MAP2K5: variants seen among roughly 807,000 people sequenced by gnomAD.
The protein encoded by MAP2K5 is dual specificity mitogen-activated protein kinase kinase 5.
MAP2K5 carries 49 observed loss-of-function variants against 83.1 expected under a neutral mutation model. The observed-to-expected ratio is 0.59, with a 90% CI of 0.47 to 0.75. The LOEUF (loss-of-function observed/expected upper bound fraction) is 0.75. Ranked by LOEUF, MAP2K5 falls within the 30% of genes least tolerant of loss-of-function variation. The pLI is 0.00. For synonymous variants in MAP2K5, 202 were observed against 191.8 expected (o/e 1.05, Z -0.44); for missense variants, 457 against 557.5 (o/e 0.82, Z 1.82).
At chr15:67,589,808 T>C (rs1234808034) in intron 6 of MAP2K5, among the ~76,000 whole-genome samples, 1 of 151,814 alleles carries the variant, frequency 6.6e-6, no homozygotes, top group African/African-American at 2.4e-5. Flanking sequence ...TGTGTGTGTG[T>C]GTGTGTGTAT....
intron 21 of MAP2K5, among the ~76,000 whole-genome samples, chr15:67,805,207 C>G (rs1336184240): frequency 6.6e-6 from 1 of 152,248 alleles, no homozygotes; most frequent in African/African-American, 2.4e-5. Flanking sequence ...CTGTGTGCCT[C>G]TGAGATAGAC....
intron 17 of MAP2K5, among the ~76,000 whole-genome samples, chr15:67,728,257 T>C (rs763514277): frequency 4.6e-5 from 7 of 152,224 alleles, no homozygotes; most frequent in Non-Finnish European, 1.0e-4. Flanking sequence ...CAGCTTTTTC[T>C]TGATACACTT....
At position 67,790,110 on chromosome 15, in the gene MAP2K5, T is replaced by G. The variant is rs1478162980; in HGVS notation, c.1243-16536T>G. Among the ~76,000 whole-genome samples the G allele has an allele frequency of 6.6e-6, 1 of 151,342 alleles. No individual in the cohort carries two copies. The highest frequency in any genetic ancestry group is 1.5e-5 in the Non-Finnish European group (1 of 67,858). On this transcript the variant is annotated intron_variant, in intron 21 of 21. Coordinates refer to ENST00000178640, the MANE Select transcript of MAP2K5 (RefSeq NM_145160.3). This position sits in a 1 kb window ranked among gnomAD's most constrained non-coding sequence, Gnocchi z 4.6. ...TTGGTTGTGTATCTTTCTTCCACTCTTAAAAAAGCAGGCTTGGAAATTGCA... is the reference window on the plus strand; with the variant it reads ...TTGGTTGTGTATCTTTCTTCCACTCGTAAAAAAGCAGGCTTGGAAATTGCA...
At chr15:67,594,154 G>A in intron 7 of MAP2K5, among the ~76,000 whole-genome samples, 1 of 152,150 alleles carries the variant, frequency 6.6e-6, no homozygotes, top group East Asian at 1.9e-4. Context: ...CAGCTAAGGA[G>A]AATCTAGTGT....
At chr15:67,689,754 G>A (rs1006717211) in intron 13 of MAP2K5, among the ~76,000 whole-genome samples, 2 of 152,174 alleles carry the variant, frequency 1.3e-5, no homozygotes, top group African/African-American at 4.8e-5. Context: ...TCTTTCCATT[G>A]ATCCACTTAA....
chr15:67,547,148 C>T lies in MAP2K5; in HGVS notation c.136-2886C>T, dbSNP rs188395648. On this transcript the variant is annotated intron_variant, in intron 1 of 21. Coordinates refer to ENST00000178640, the MANE Select transcript of MAP2K5 (RefSeq NM_145160.3). ...CTGAGTCTGTGATTTTTTCCTTTCTCCTGAGTTACCAAATACTATTGGCTG... is the reference window on the plus strand; with the variant it reads ...CTGAGTCTGTGATTTTTTCCTTTCTTCTGAGTTACCAAATACTATTGGCTG... Among the ~76,000 whole-genome samples, 11 of 150,816 alleles carry T rather than the reference C, an allele frequency of 7.3e-5. No homozygotes were observed. In the East Asian group the frequency reaches 2.1e-3, roughly 29 times the overall value.
intron 13 of MAP2K5, among the ~76,000 whole-genome samples, chr15:67,688,805 G>A (rs2088024266): frequency 6.6e-6 from 1 of 152,174 alleles, no homozygotes; most frequent in South Asian, 2.1e-4. Context: ...TGCCAAATTT[G>A]TGACAGGATC....
rs190167111 is a variant in MAP2K5 at position 67,724,595 on chromosome 15, A to G, written c.1045-3321A>G. ...GAGAACTCGTTCTTCATGCAGCCAT[A>G]TCTACTAAGAAACCATTTTCTTTTT... is the stretch of plus-strand genomic sequence containing the variant. On this transcript the variant is annotated intron_variant, in intron 16 of 21. Transcript: ENST00000178640. The surrounding 1 kb of genome is among the most constrained non-coding windows in gnomAD (Gnocchi z 4.4). Among the ~76,000 whole-genome samples the G allele has an allele frequency of 3.2e-4, 48 of 152,282 alleles. No individual in the cohort carries two copies. The East Asian group carries it at 8.7e-3, about 28-fold the overall frequency.
chr15:67,729,604 A>G (rs1443801245), intron 17 of MAP2K5, among the ~76,000 whole-genome samples: 4 of 151,826 alleles, frequency 2.6e-5, no homozygotes, highest in African/African-American at 9.7e-5. Context: ...CCCCGTCTCT[A>G]CTAAAAATAC....
At chr15:67,759,817 C>T (rs2089915148) in intron 19 of MAP2K5, among the ~76,000 whole-genome samples, 1 of 152,168 alleles carries the variant, frequency 6.6e-6, no homozygotes, top group South Asian at 2.1e-4. Context: ...TAACTCCAAC[C>T]ACTCCCACAA....
At chr15:67,788,557 G>A (rs939316643) in intron 21 of MAP2K5, among the ~76,000 whole-genome samples, 1 of 152,178 alleles carries the variant, frequency 6.6e-6, no homozygotes, top group Admixed American at 6.5e-5. Context: ...TACTGTTTTT[G>A]TAAAAAGGCA....
chr15:67,586,022 C>A, intron 5 of MAP2K5, 92 bp downstream of exon 5: 1 of 1,078,008 alleles, frequency 9.3e-7, no homozygotes, highest in South Asian at 1.3e-5. Flanking sequence ...TGCACTTTCT[C>A]AAGCTCTGAC....
intron 13 of MAP2K5, among the ~76,000 whole-genome samples, chr15:67,670,644 T>C (rs2087507369): frequency 6.6e-6 from 1 of 152,022 alleles, no homozygotes; most frequent in South Asian, 2.1e-4. Flanking sequence ...TTTCTGTATC[T>C]TCATGGTTCC....
chr15:67,774,723 G>T lies in MAP2K5; in HGVS notation c.1242+1971G>T, dbSNP rs1176562073. ...ATCTGGAAGCCGAGAGACTCCTCTG[G>T]AATGCATGAACTATAGAGCCCATTT... On this transcript the variant is annotated intron_variant, in intron 21 of 21. Transcript: ENST00000178640. This position sits in a 1 kb window ranked among gnomAD's most constrained non-coding sequence, Gnocchi z 4.9. 6.6e-6 allele frequency among the ~76,000 whole-genome samples: 1 copy of T among 152,192 alleles called. No individual in the cohort carries two copies. The highest frequency in any genetic ancestry group is 1.5e-5 in the Non-Finnish European group (1 of 68,038).
At chr15:67,613,899 C>T (rs1016833711) in intron 8 of MAP2K5, among the ~76,000 whole-genome samples, 9 of 152,030 alleles carry the variant, frequency 5.9e-5, no homozygotes, top group African/African-American at 2.2e-4. Context: ...CACTAGGGTA[C>T]TATTTAGTGT....
rs1421642027 is a variant in MAP2K5, at chr15:67,794,692, CAA to C, written c.1243-11952_1243-11951del. On this transcript the variant is annotated intron_variant, in intron 21 of 21. Transcript: ENST00000178640. The surrounding 1 kb of genome is among the most constrained non-coding windows in gnomAD (Gnocchi z 4.6). Reference sequence around the variant, plus strand: ...TCATTTAGCGTTATTTACATTTACCCAAAGTTTTGATGTTTTGATGTCCAGTG... The same window carrying C: ...TCATTTAGCGTTATTTACATTTACCCAGTTTTGATGTTTTGATGTCCAGTG... 1.3e-5 allele frequency among the ~76,000 whole-genome samples: 2 copies of C among 150,176 alleles called. No homozygotes were observed. Among genetic ancestry groups the C allele is most frequent in the African/African-American group, 4.9e-5 (2 of 40,770 alleles).
intron 8 of MAP2K5, among the ~76,000 whole-genome samples, 181 bp downstream of exon 8, chr15:67,600,930 C>T (rs535895864): frequency 3.9e-5 from 6 of 152,098 alleles, no homozygotes; most frequent in African/African-American, 1.4e-4. Context: ...ATTTATATTG[C>T]CTTTTTAATA....
At chr15:67,739,436 A>G (rs1488387078) in intron 17 of MAP2K5, among the ~76,000 whole-genome samples, 35 of 8,664 alleles carry the variant, frequency 4.0e-3, no homozygotes, top group African/African-American at 0.022. Context: ...ATATATATAT[A>G]TATATATATA....
In MAP2K5 at chr15:67,802,087, G is replaced by GC. The variant is rs1413782446; in HGVS notation, c.1243-4554dup. ...CCACAAGATGAGCACACCAAGCCCT[G>GC]CCCCCTGCCTCCACGTGGGAGGGGC... On this transcript the variant is annotated intron_variant, in intron 21 of 21. Transcript: ENST00000178640. This position sits in a 1 kb window ranked among gnomAD's most constrained non-coding sequence, Gnocchi z 5.0. Among the ~76,000 whole-genome samples, 1 of 152,178 alleles carries GC rather than the reference G, an allele frequency of 6.6e-6. No homozygotes were observed. Among genetic ancestry groups the GC allele is most frequent in the Non-Finnish European group, 1.5e-5 (1 of 68,028 alleles).
Sources: gnomAD v4.1 joint callset for allele counts (sites outside exome capture counted in the v4.1 genomes callset) on GRCh38, gnomAD v4.1.1 for gene constraint, Gnocchi (gnomAD v3.1) non-coding constraint, MANE v1.5 for transcripts, NCBI Gene and HGNC (gene_info 2026-07-23, HGNC 2026-07-21) for gene names.